PPP1R9A: variants seen among roughly 807,000 people sequenced by gnomAD.
PPP1R9A encodes protein phosphatase 1 regulatory subunit 9A.
A neutral mutation model predicts 141.9 loss-of-function variants in PPP1R9A; 59 were observed. The observed-to-expected ratio is 0.42, with a 90% CI of 0.34 to 0.52. PPP1R9A has a LOEUF of 0.52. PPP1R9A is among the 20% of genes least tolerant of loss of function. The pLI, the probability that PPP1R9A is intolerant of heterozygous loss-of-function variation, is 0.10. For missense variants in PPP1R9A, 1,444 were observed against 1,611.9 expected (o/e 0.90, Z 1.78); for synonymous variants, 500 against 569.7 (o/e 0.88, Z 1.74).
At chr7:95,109,183 T>A (rs1820108339) in intron 2 of PPP1R9A, among the ~76,000 whole-genome samples, 1 of 152,228 alleles carries the variant, frequency 6.6e-6, no homozygotes. Flanking sequence ...AAATATATAT[T>A]CCTTCTCTTC....
intron 4 of PPP1R9A, among the ~76,000 whole-genome samples, chr7:95,135,810 A>G (rs537905765): frequency 1.4e-5 from 2 of 147,914 alleles, no homozygotes; most frequent in South Asian, 4.2e-4. Flanking sequence ...AAAGTATGTG[A>G]CAGTGATTAT....
At chr7:95,125,742 A>C (rs920575276) in intron 4 of PPP1R9A, among the ~76,000 whole-genome samples, 4 of 152,090 alleles carry the variant, frequency 2.6e-5, no homozygotes, top group African/African-American at 9.7e-5. Flanking sequence ...TGTCCTTTTC[A>C]ATTTTATTGG....
intron 7 of PPP1R9A, among the ~76,000 whole-genome samples, chr7:95,204,962 ACCACACATAC>A (rs1253895963): frequency 6.8e-6 from 1 of 146,636 alleles, no homozygotes; most frequent in Non-Finnish European, 1.5e-5. Flanking sequence ...ACACGCACAC[ACCACACATAC>A]CCACACACAC....
intron 2 of PPP1R9A, among the ~76,000 whole-genome samples, chr7:95,062,654 C>CT (rs1261987583): frequency 2.0e-5 from 3 of 152,036 alleles, no homozygotes; most frequent in Non-Finnish European, 4.4e-5. Flanking sequence ...TCCCAAAGTG[C>CT]TGGGATTACA....
intron 2 of PPP1R9A, among the ~76,000 whole-genome samples, chr7:95,083,656 G>A (rs1006054887): frequency 2.6e-5 from 4 of 151,880 alleles, no homozygotes; most frequent in South Asian, 2.1e-4. Flanking sequence ...CAGAGATTTC[G>A]GAGGCTCCGT....
At chr7:95,063,686 G>T (rs1812566475) in intron 2 of PPP1R9A, among the ~76,000 whole-genome samples, 1 of 152,136 alleles carries the variant, frequency 6.6e-6, no homozygotes, top group Non-Finnish European at 1.5e-5. Context: ...TGCTACTTTG[G>T]CGTGCACTTG....
chr7:95,279,511 G>A (rs184285444), intron 16 of PPP1R9A, among the ~76,000 whole-genome samples: 1 of 152,080 alleles, frequency 6.6e-6, no homozygotes, highest in African/African-American at 2.4e-5. Flanking sequence ...ATTTTTAGCT[G>A]CATTTATCAA....
intron 2 of PPP1R9A, among the ~76,000 whole-genome samples, chr7:95,034,414 C>T (rs973466186): frequency 2.0e-5 from 3 of 152,070 alleles, no homozygotes; most frequent in Non-Finnish European, 4.4e-5. Flanking sequence ...TCTCACACAT[C>T]GTGTTTTGTC....
At chr7:94,988,998 TA>T (rs1439983476) in intron 2 of PPP1R9A, among the ~76,000 whole-genome samples, 9 of 152,202 alleles carry the variant, frequency 5.9e-5, no homozygotes, top group African/African-American at 2.2e-4. Context: ...TAGTTAACTC[TA>T]AAACAATGGT....
chr7:94,985,057 T>C lies in PPP1R9A; in HGVS notation c.1395+73549T>C, dbSNP rs112457564. Among the ~76,000 whole-genome samples, 146 of 152,236 alleles carry C rather than the reference T, an allele frequency of 9.6e-4. 1 individual carries two copies. Among genetic ancestry groups the C allele is most frequent in the African/African-American group, 3.4e-3 (140 of 41,558 alleles). ...GTCTTCGTTCTCATTGGTTTCAAAG[T>C]ACATCTTTATTTCTGCCTTCATTTT... On this transcript the variant is annotated intron_variant, in intron 2 of 19. Coordinates refer to ENST00000433360, the MANE Select transcript of PPP1R9A (RefSeq NM_001166160.2).
Position 95,191,343 on chromosome 7 carries a change from T to C in PPP1R9A, c.1755-7006T>C, listed in dbSNP as rs546801365. 2.6e-5 allele frequency among the ~76,000 whole-genome samples: 4 copies of C among 152,312 alleles called. No individual in the cohort carries two copies. In the South Asian group the frequency reaches 8.3e-4, roughly 32 times the overall value. ...CACATTAAAACAAGATAAAAAATTTTAATTGACATAATGATTGCATATATT... is the reference window on the plus strand; with the variant it reads ...CACATTAAAACAAGATAAAAAATTTCAATTGACATAATGATTGCATATATT... On this transcript the variant is annotated intron_variant, in intron 5 of 19. Coordinates refer to ENST00000433360, the MANE Select transcript of PPP1R9A (RefSeq NM_001166160.2).
chr7:94,948,270 G>A (rs1198301856), intron 2 of PPP1R9A, among the ~76,000 whole-genome samples: 3 of 152,126 alleles, frequency 2.0e-5, no homozygotes, highest in Non-Finnish European at 4.4e-5. Flanking sequence ...GCAGGAGCAG[G>A]GAGGGACAGG....
intron 2 of PPP1R9A, among the ~76,000 whole-genome samples, chr7:94,946,929 C>T (rs1202364240): frequency 6.6e-6 from 1 of 152,130 alleles, no homozygotes; most frequent in African/African-American, 2.4e-5. Flanking sequence ...ATGTGTCCTA[C>T]CTCAGAGAAC....
At chr7:95,072,210 A>G (rs1386488615) in intron 2 of PPP1R9A, among the ~76,000 whole-genome samples, 1 of 147,330 alleles carries the variant, frequency 6.8e-6, no homozygotes, top group Non-Finnish European at 1.5e-5. Flanking sequence ...TTTATTATAA[A>G]CTCATATTTG....
In PPP1R9A at chr7:94,942,623, T is replaced by C. The variant is rs118034100; in HGVS notation, c.1395+31115T>C. On this transcript the variant is annotated intron_variant, in intron 2 of 19. Transcript: ENST00000433360. ...TTCGAGGCAAGCCTGGCCAACATAA[T>C]GAAAACCTGTCTCAACTAAAAATAC... 6.4e-3 allele frequency among the ~76,000 whole-genome samples: 965 copies of C among 151,944 alleles called. 7 individuals are homozygous for C. The highest frequency in any genetic ancestry group is 9.9e-3 in the Non-Finnish European group (671 of 67,958).
At chr7:95,151,244 G>A (rs1459308371) in intron 4 of PPP1R9A, among the ~76,000 whole-genome samples, 2 of 152,316 alleles carry the variant, frequency 1.3e-5, no homozygotes, top group African/African-American at 2.4e-5. Flanking sequence ...CCTACACTGG[G>A]TGAATGTAAA....
intron 2 of PPP1R9A, among the ~76,000 whole-genome samples, chr7:95,099,706 T>G (rs182935948): frequency 1.1e-3 from 170 of 151,840 alleles, no homozygotes; most frequent in Non-Finnish European, 2.1e-3. Context: ...TTATTAAAAA[T>G]CAATGAAAAA....
intron 4 of PPP1R9A, among the ~76,000 whole-genome samples, chr7:95,135,246 A>G (rs546441077): frequency 4.5e-4 from 68 of 152,316 alleles, no homozygotes; most frequent in Middle Eastern, 3.4e-3. Flanking sequence ...AACAGAGATC[A>G]TGTCTTATTT....
At position 95,118,500 on chromosome 7, in the gene PPP1R9A, G is replaced by C. The variant is rs1003183780; in HGVS notation, c.1529-2212G>C. 3.7e-4 allele frequency among the ~76,000 whole-genome samples: 56 copies of C among 152,278 alleles called. 1 individual carries two copies. The highest frequency in any genetic ancestry group is 1.2e-3 in the African/African-American group (48 of 41,558). ...AGGCAGCTCATCCAGGGGAAACACT[G>C]TAAAGATTCCTCTAGCATACCACTG... On this transcript the variant is annotated intron_variant, in intron 3 of 19. Transcript: ENST00000433360.
Sources: gnomAD v4.1 joint callset for allele counts (sites outside exome capture counted in the v4.1 genomes callset) on GRCh38, gnomAD v4.1.1 for gene constraint, MANE v1.5 for transcripts, NCBI Gene and HGNC (gene_info 2026-07-23, HGNC 2026-07-21) for gene names.